SP1: variants seen among roughly 807,000 people sequenced by gnomAD.
SP1 encodes Sp1 transcription factor, also known as transcription factor Sp1.
In SP1, 6 loss-of-function variants were observed where a neutral mutation model predicts 66.3. The ratio of observed to expected loss-of-function variants is 0.09; its 90% CI spans 0.05 to 0.18. The LOEUF (loss-of-function observed/expected upper bound fraction) is 0.18. Among genes scored for constraint, SP1 ranks in the 10% least tolerant of loss-of-function variants. SP1 has a pLI of 1.00. For synonymous variants in SP1, 417 were observed against 360.8 expected, an observed-to-expected ratio of 1.16 and a Z score of -1.77; for missense variants, 848 against 964.5, an observed-to-expected ratio of 0.88 and a Z score of 1.60.
chr12:53,380,465 G>C (rs1938058334), intron 1 of SP1, among the ~76,000 whole-genome samples, 167 bp downstream of exon 1: 1 of 151,476 alleles, frequency 6.6e-6, no homozygotes, highest in East Asian at 1.9e-4. Flanking sequence ...CGGGGCAGTG[G>C]CGGGGCCTCC....
At chr12:53,389,933 A>G (rs1002001608) in intron 3 of SP1, among the ~76,000 whole-genome samples, 6 of 152,112 alleles carry the variant, frequency 3.9e-5, no homozygotes, top group East Asian at 1.9e-4. Context: ...AAAAATAACA[A>G]TTTCACATCT....
chr12:53,405,101 G>A (rs777626462), intron 3 of SP1, among the ~76,000 whole-genome samples: 90 of 151,434 alleles, frequency 5.9e-4, no homozygotes, highest in Non-Finnish European at 9.4e-4. Context: ...CAACCACCTC[G>A]GCCTCCCAAA....
chr12:53,396,112 T>C (rs1440946740), intron 3 of SP1, among the ~76,000 whole-genome samples: 3 of 150,992 alleles, frequency 2.0e-5, no homozygotes, highest in African/African-American at 7.3e-5. Flanking sequence ...AGAGTGAGAC[T>C]CTTGTCTCAA....
At chr12:53,408,123 G>A (rs1264556629) in intron 4 of SP1, among the ~76,000 whole-genome samples, 1 of 144,420 alleles carries the variant, frequency 6.9e-6, no homozygotes, top group Non-Finnish European at 1.5e-5. Flanking sequence ...TCAGGTGCCT[G>A]TAATCCCAGC....
intron 3 of SP1, among the ~76,000 whole-genome samples, chr12:53,391,015 G>T (rs769696372): frequency 2.6e-5 from 4 of 152,062 alleles, no homozygotes; most frequent in Admixed American, 6.6e-5. Context: ...AATGTAAGAT[G>T]AACATCTGTA....
chr12:53,403,223 T>A (rs1314400150), intron 3 of SP1, among the ~76,000 whole-genome samples: 1 of 152,162 alleles, frequency 6.6e-6, no homozygotes. Flanking sequence ...GGATAGAGAT[T>A]AGGTACAGAA....
chr12:53,410,134 C>T (rs1938845668), intron 5 of SP1, among the ~76,000 whole-genome samples: 1 of 152,004 alleles, frequency 6.6e-6, no homozygotes, highest in African/African-American at 2.4e-5. Context: ...TGGGGAAACC[C>T]TGTCTCTACT....
At chr12:53,407,570 C>G (rs1358680347) in intron 4 of SP1, among the ~76,000 whole-genome samples, 3 of 151,036 alleles carry the variant, frequency 2.0e-5, no homozygotes, top group Non-Finnish European at 4.4e-5. Context: ...GTGATCTGCC[C>G]ACCTCGGCCT....
At chr12:53,380,583 G>C in intron 1 of SP1, 1 of 963,854 alleles carries the variant, frequency 1.0e-6, no homozygotes, top group Non-Finnish European at 1.3e-6. Flanking sequence ...CCACTACTCG[G>C]CCGCCCGCCT....
At position 53,410,915 on chromosome 12, in the gene SP1, TCCTTTA is replaced by T. The variant is rs1445324122; in HGVS notation, c.2045-8_2045-3del. ...AACATGTCAGCTTCTTATCTTTTCTTCCTTTACCTAGGTGAGAAGAAATTTGCCTGC... is the reference window on the plus strand; with the variant it reads ...AACATGTCAGCTTCTTATCTTTTCTTCCTAGGTGAGAAGAAATTTGCCTGC... On this transcript the variant is annotated splice_region_variant and splice_polypyrimidine_tract_variant and intron_variant, in intron 5 of 5. Coordinates refer to ENST00000327443, the MANE Select transcript of SP1 (RefSeq NM_138473.3). The T allele has an allele frequency of 6.2e-7, 1 of 1,600,884 alleles. No individual in the cohort carries two copies. Among genetic ancestry groups the T allele is most frequent in the Non-Finnish European group, 8.5e-7 (1 of 1,171,552 alleles).
At chr12:53,410,018 A>G (rs1482187578) in intron 5 of SP1, among the ~76,000 whole-genome samples, 5 of 150,714 alleles carry the variant, frequency 3.3e-5, no homozygotes, top group African/African-American at 4.9e-5. Flanking sequence ...TCAAAAAAAA[A>G]GGAAGGAGCC....
chr12:53,382,597 A>G lies in SP1; in HGVS notation c.650A>G (p.Asn217Ser), dbSNP rs139288014. ...GGTGCAAACCAACAGATTATCACAA[A>G]TCGAGGAAGTGGAGGCAACATCATT... ...IPGANQQIITNRGSGGNIIAA... is the reference protein window; with the variant it reads ...IPGANQQIITSRGSGGNIIAA... Residue 217 changes from asparagine to serine, a missense_variant, in exon 3 of 6, where the codon AAT becomes AGT. This residue lies in a region of SP1 where 606 missense variants were observed against 589.9 expected (regional missense o/e 1.03). Transcript: ENST00000327443. 8.4e-5 allele frequency: 136 copies of G among 1,614,188 alleles called. No individual in the cohort carries two copies. The East Asian group carries it at 3.0e-3, about 35-fold the overall frequency.
intron 3 of SP1, among the ~76,000 whole-genome samples, chr12:53,404,497 G>C (rs975734360): frequency 2.0e-5 from 3 of 149,750 alleles, no homozygotes; most frequent in Admixed American, 6.7e-5. Context: ...AGTCAAGATT[G>C]TGCCATTGCA....
At chr12:53,388,216 G>A (rs886141012) in intron 3 of SP1, among the ~76,000 whole-genome samples, 5 of 152,058 alleles carry the variant, frequency 3.3e-5, no homozygotes, top group African/African-American at 1.2e-4. Context: ...TGAAGTGCCC[G>A]GTTTTGCTCT....
chr12:53,380,326 G>A lies in SP1; in HGVS notation c.7+28G>A, dbSNP rs369429590. The stretch of plus-strand genomic sequence containing the variant: ...AAGGATGAGTCCACTCCAAGCTTAG[G>A]GGTGGGAGGCGAGTGAGGGGGCGCG... On this transcript the variant is annotated intron_variant, in intron 1 of 5. Coordinates refer to ENST00000327443, the MANE Select transcript of SP1 (RefSeq NM_138473.3). 176 of 1,534,110 alleles carry A rather than the reference G, an allele frequency of 1.1e-4. 2 individuals are homozygous for A. The highest frequency in any genetic ancestry group is 1.7e-4 in the Middle Eastern group (1 of 5,866).
chr12:53,380,710 T>TC (rs1938069696), intron 1 of SP1: 2 of 906,298 alleles, frequency 2.2e-6, no homozygotes, highest in Non-Finnish European at 2.6e-6. Context: ...AAGGCCCTCC[T>TC]CCCCCCACTT....
rs544832370 is a variant in SP1, at chr12:53,405,400, C to T, written c.1676-1185C>T. ...CTCTTTCCGGCTGGACATGGTGGCT[C>T]ATGCCCACCCGTAATCCCAGCACTT... is the stretch of plus-strand genomic sequence containing the variant. On this transcript the variant is annotated intron_variant, in intron 3 of 5. Transcript: ENST00000327443. 8.3e-4 allele frequency among the ~76,000 whole-genome samples: 126 copies of T among 152,216 alleles called. 1 individual carries two copies. The highest frequency in any genetic ancestry group is 3.3e-3 in the South Asian group (16 of 4,820).
chr12:53,411,286 C>G lies in SP1; in HGVS notation c.*46C>G. The G allele has an allele frequency of 6.7e-7, 1 of 1,493,178 alleles. No homozygotes were observed. Among genetic ancestry groups the G allele is most frequent in the Non-Finnish European group, 9.2e-7 (1 of 1,091,218 alleles). The allele number at this position is 1,493,178 out of a possible 1,614,324, so 92.5% of individuals were successfully genotyped here. On this transcript the variant is annotated 3_prime_UTR_variant, in exon 6 of 6. Transcript: ENST00000327443. ...AGACATATGGGCCATACCCCTTAAC[C>G]CCGGGATGCAAGGTAGCATGGGTCC...
rs1053259896 is a variant in SP1 at position 53,411,470 on chromosome 12, C to T, written c.*230C>T. ...ATTAGTGAAAATTCTGTTGGTGCCA[C>T]GCTTTGATGAGCATTTGTTTGACCC... is the stretch of plus-strand genomic sequence containing the variant. On this transcript the variant is annotated 3_prime_UTR_variant, in exon 6 of 6. Transcript: ENST00000327443. 8 of 459,316 alleles carry T rather than the reference C, an allele frequency of 1.7e-5. No homozygotes were observed. The East Asian group carries it at 2.1e-4, about 12-fold the overall frequency. 28.5% of individuals were successfully genotyped at this position (459,316 alleles called of 1,614,324 possible). A position where few individuals can be genotyped will look rare whatever the true frequency, so the allele number is the denominator to read the frequency against.
Sources: allele counts gnomAD v4.1 joint callset (sites outside exome capture counted in the v4.1 genomes callset), GRCh38; gene constraint gnomAD v4.1.1; regional missense constraint gnomAD v4.1.1; transcripts MANE v1.5; gene names NCBI Gene and HGNC (gene_info 2026-07-23, HGNC 2026-07-21).